Variants in RGPD3 observed in about 807,000 individuals in gnomAD.
RGPD3 encodes ranBP2-like and GRIP domain-containing protein 3.
A neutral mutation model predicts 154.5 loss-of-function variants in RGPD3; 62 were observed. The ratio of observed to expected loss-of-function variants is 0.40; its 90% CI spans 0.33 to 0.50. The LOEUF (loss-of-function observed/expected upper bound fraction) is 0.50, where lower values mean the gene tolerates loss of function less well. RGPD3 is among the 20% of genes least tolerant of loss of function. The probability of loss-of-function intolerance (pLI) is 0.59; values close to 1 mark genes in which losing one functional copy is unlikely to be tolerated. For missense variants in RGPD3, 919 were observed against 1,716.8 expected (o/e 0.54, Z 8.21); for synonymous variants, 308 against 607.0 (o/e 0.51, Z 7.24).
chr2:106,424,178 G>A lies in RGPD3; in HGVS notation c.3789C>T (p.Val1263=), dbSNP rs1016373562. 2.0e-5 allele frequency: 33 copies of A among 1,611,622 alleles called. No individual in the cohort carries two copies. In the Admixed American group the frequency reaches 3.0e-4, roughly 15 times the overall value. ...DLREDALDDS[V]SSSSVHASPL... ...GAGAAGCATGTACTGAGCTACTACTGACACTATCATCCAAAGCATCTTCCC... is the reference window on the plus strand; with the variant it reads ...GAGAAGCATGTACTGAGCTACTACTAACACTATCATCCAAAGCATCTTCCC... Residue 1263 remains valine (V), a synonymous_variant, in exon 20 of 23, where the codon GTC becomes GTT. Transcript: ENST00000409886.
rs201304359 is a variant in RGPD3 at position 106,436,164 on chromosome 2, G to A, written c.1717C>T (p.Pro573Ser). 9,774 of 1,611,654 alleles carry A rather than the reference G, an allele frequency of 6.1e-3. 41 individuals carry two copies. The highest frequency in any genetic ancestry group is 7.6e-3 in the Non-Finnish European group (8,910 of 1,179,798). ...TTTGCCCAATGTACAAGCAGAGCAG[G>A]TTGAAGGCCATGTTTTTCCTGGGCT... ...LRAQEKHGLQPALLVHWAKCL... is the reference protein window; with the variant it reads ...LRAQEKHGLQSALLVHWAKCL... The change falls in exon 12 of 23, where the codon CCT becomes TCT. Residue 573 changes from proline (P) to serine (S), a missense_variant. Transcript: ENST00000409886.
At chr2:106,408,873 A>G (rs1288710211) in intron 22 of RGPD3, among the ~76,000 whole-genome samples, 3 of 151,356 alleles carry the variant, frequency 2.0e-5, no homozygotes, top group East Asian at 2.0e-4. Flanking sequence ...TTTTGTAGAC[A>G]TAGGGTCTCG....
chr2:106,410,883 C>A (rs1012707180), intron 22 of RGPD3, among the ~76,000 whole-genome samples: 1 of 151,952 alleles, frequency 6.6e-6, no homozygotes, highest in Admixed American at 6.6e-5. Flanking sequence ...GCTATAGAAA[C>A]CTATCCTATA....
chr2:106,449,576 G>C (rs1334352020), intron 6 of RGPD3, among the ~76,000 whole-genome samples: 10 of 151,144 alleles, frequency 6.6e-5, no homozygotes, highest in Non-Finnish European at 1.5e-4. Context: ...AATAAACACT[G>C]ACAGAAATAA....
chr2:106,438,759 G>C (rs1335387329), intron 9 of RGPD3, among the ~76,000 whole-genome samples: 1 of 147,858 alleles, frequency 6.8e-6, no homozygotes, highest in African/African-American at 2.5e-5. Flanking sequence ...TCCAGCATGG[G>C]CGACAAGAGC....
At chr2:106,432,321 C>T (rs1447611585) in intron 17 of RGPD3, among the ~76,000 whole-genome samples, 3 of 148,212 alleles carry the variant, frequency 2.0e-5, no homozygotes, top group South Asian at 2.2e-4. Flanking sequence ...GGCCTGGTGG[C>T]GGGTGCCTGT....
chr2:106,407,387 T>A (rs1275404012), intron 22 of RGPD3, among the ~76,000 whole-genome samples: 1 of 152,098 alleles, frequency 6.6e-6, no homozygotes, highest in Non-Finnish European at 1.5e-5. Flanking sequence ...GAGGAGGCAA[T>A]GAGGGCAAAG....
At chr2:106,467,812 G>C (rs868343910) in intron 1 of RGPD3, among the ~76,000 whole-genome samples, 306 of 47,554 alleles carry the variant, frequency 6.4e-3, no homozygotes, top group East Asian at 0.015. Context: ...TCGAGGCCGC[G>C]GCCTCAACAG....
At position 106,450,253 on chromosome 2, in the gene RGPD3, G is replaced by A. The variant is rs575745283; in HGVS notation, c.782+1952C>T. Among the ~76,000 whole-genome samples the A allele has an allele frequency of 1.2e-4, 9 of 75,344 alleles. 2 individuals are homozygous for A. The highest frequency in any genetic ancestry group is 1.9e-4 in the Non-Finnish European group (7 of 36,310). 49.4% of individuals were successfully genotyped at this position (75,344 alleles called of 152,430 possible). A position where few individuals can be genotyped will look rare whatever the true frequency, so the allele number is the denominator to read the frequency against. Reference sequence around the variant, plus strand: ...AAATTAGCCGAGCGTGGTGGTGGGCGCCTGTAGTCCCAGCTACTCAGGAGG... The same window carrying A: ...AAATTAGCCGAGCGTGGTGGTGGGCACCTGTAGTCCCAGCTACTCAGGAGG... On this transcript the variant is annotated intron_variant, in intron 6 of 22. Coordinates refer to ENST00000409886, the MANE Select transcript of RGPD3 (RefSeq NM_001144013.2).
At chr2:106,441,884 A>AG (rs1184373843) in intron 7 of RGPD3, among the ~76,000 whole-genome samples, 2 of 148,748 alleles carry the variant, frequency 1.3e-5, no homozygotes, top group East Asian at 3.9e-4. Flanking sequence ...AAAAAAAAAA[A>AG]AAAAAAAAAA....
chr2:106,415,858 G>T lies in RGPD3; in HGVS notation c.5056C>A (p.Gln1686Lys), dbSNP rs774648597. 1.9e-6 allele frequency: 3 copies of T among 1,611,816 alleles called. No individual in the cohort carries two copies. The highest frequency in any genetic ancestry group is 2.2e-5 in the South Asian group (2 of 90,974). The change falls in exon 21 of 23, where the codon CAA (glutamine) becomes AAA (lysine). Residue 1686 changes from glutamine (Q) to lysine (K), a missense_variant. Physicochemically the swap from Gln to Lys is moderately conservative, Grantham distance 53. Transcript: ENST00000409886. Reference sequence around the variant, plus strand: ...AGGTTTTCTGATCTCACCTTAATTTGCTCCATAAGGACTGCATTGGTTGCC... The same window carrying T: ...AGGTTTTCTGATCTCACCTTAATTTTCTCCATAAGGACTGCATTGGTTGCC... ...IEATNAVLME[Q>K]IKLLKSEIRR... is the part of the protein sequence containing the mutation.
At chr2:106,441,161 C>T in intron 8 of RGPD3, 132 bp downstream of exon 8, 1 of 1,289,430 alleles carries the variant, frequency 7.8e-7, no homozygotes. Flanking sequence ...ACCTATTGCT[C>T]TTAACTGATA....
intron 7 of RGPD3, among the ~76,000 whole-genome samples, chr2:106,444,909 T>C (rs1677860631): frequency 8.0e-6 from 1 of 124,368 alleles, no homozygotes; most frequent in Admixed American, 8.5e-5. Flanking sequence ...AATGTTACGG[T>C]GAGCTACGAT....
chr2:106,405,549 T>G (rs1381585986), intron 22 of RGPD3, among the ~76,000 whole-genome samples: 1 of 151,712 alleles, frequency 6.6e-6, no homozygotes, highest in African/African-American at 2.4e-5. Flanking sequence ...GGTAATTTTT[T>G]GTTTTTTGGT....
intron 1 of RGPD3, among the ~76,000 whole-genome samples, chr2:106,465,133 A>G (rs1218715951): frequency 6.6e-6 from 1 of 151,278 alleles, no homozygotes; most frequent in Non-Finnish European, 1.5e-5. Context: ...AAGCATGGGC[A>G]GTTCACAGAT....
At chr2:106,469,858 A>C (rs1024651343), upstream of RGPD3, among the ~76,000 whole-genome samples, 6 of 152,308 alleles carry the variant, frequency 3.9e-5, no homozygotes, top group African/African-American at 1.2e-4. Context: ...CTTTAATCCC[A>C]AAATACACCT....
At chr2:106,417,670 C>T (rs2104449537) in intron 20 of RGPD3, among the ~76,000 whole-genome samples, 1 of 150,222 alleles carries the variant, frequency 6.7e-6, no homozygotes, top group East Asian at 1.9e-4. Flanking sequence ...GGAAACTGGG[C>T]CTATTAGATT....
chr2:106,462,241 A>C (rs1482321226), intron 1 of RGPD3, among the ~76,000 whole-genome samples: 3 of 151,466 alleles, frequency 2.0e-5, no homozygotes, highest in Admixed American at 2.0e-4. Flanking sequence ...CATAATAGAA[A>C]AATAATTCCA....
intron 7 of RGPD3, among the ~76,000 whole-genome samples, chr2:106,444,474 C>G (rs1677848548): frequency 1.4e-5 from 1 of 73,506 alleles, no homozygotes; most frequent in Non-Finnish European, 2.7e-5. Context: ...TAGCTGTCAT[C>G]TAGGAAAGGA....
Sources: gnomAD v4.1 joint callset for allele counts (sites outside exome capture counted in the v4.1 genomes callset) on GRCh38, gnomAD v4.1.1 for gene constraint, MANE v1.5 for transcripts, NCBI Gene and HGNC (gene_info 2026-07-23, HGNC 2026-07-21) for gene names.